RBFOX1: variants seen among roughly 807,000 people sequenced by gnomAD.
The protein encoded by RBFOX1 is RNA binding protein fox-1 homolog 1.
Under a neutral mutation model 57.7 loss-of-function variants are expected in RBFOX1, and 8 were observed. The ratio of observed to expected loss-of-function variants is 0.14; its 90% CI spans 0.08 to 0.25. The LOEUF (loss-of-function observed/expected upper bound fraction) is 0.25. Among genes scored for constraint, RBFOX1 ranks in the 10% least tolerant of loss-of-function variants. RBFOX1 has a pLI of 1.00. For missense variants in RBFOX1, 611 were observed against 548.5 expected (o/e 1.11, Z -1.14); for synonymous variants, 326 against 222.4 (o/e 1.47, Z -4.15).
At chr16:6,675,727 C>T (rs939240007) in intron 3 of RBFOX1, among the ~76,000 whole-genome samples, 4 of 152,176 alleles carry the variant, frequency 2.6e-5, no homozygotes, top group African/African-American at 7.2e-5. Flanking sequence ...AGCGAAAGGG[C>T]TTTCCCTTTA....
chr16:7,171,116 C>G (rs932538438), intron 4 of RBFOX1, among the ~76,000 whole-genome samples: 6 of 152,214 alleles, frequency 3.9e-5, no homozygotes, highest in Non-Finnish European at 7.3e-5. Flanking sequence ...AACCCTCTCC[C>G]TATGTCTTGG....
chr16:6,081,902 C>A (rs1406984494), intron 1 of RBFOX1, among the ~76,000 whole-genome samples: 1 of 152,150 alleles, frequency 6.6e-6, no homozygotes, highest in African/African-American at 2.4e-5. Flanking sequence ...CAAACATCCT[C>A]CTAGTCCCAA....
intron 3 of RBFOX1, among the ~76,000 whole-genome samples, chr16:6,698,706 C>G (rs2061407520): frequency 6.6e-6 from 1 of 152,180 alleles, no homozygotes; most frequent in South Asian, 2.1e-4. Context: ...CATCTCCCAC[C>G]TGCTGTCCTC....
At chr16:6,100,881 G>T (rs2096298304) in intron 1 of RBFOX1, among the ~76,000 whole-genome samples, 2 of 152,246 alleles carry the variant, frequency 1.3e-5, no homozygotes, top group African/African-American at 4.8e-5. Context: ...GTTCTTATGT[G>T]TAAGAAGAGT....
chr16:5,927,344 G>A (rs1489444057), intron 4 of RBFOX1, among the ~76,000 whole-genome samples: 1 of 152,174 alleles, frequency 6.6e-6, no homozygotes, highest in African/African-American at 2.4e-5. Flanking sequence ...CAAGAAAATT[G>A]AATATGAAAT....
intron 4 of RBFOX1, among the ~76,000 whole-genome samples, chr16:7,066,672 T>C (rs2056122858): frequency 6.6e-6 from 1 of 152,210 alleles, no homozygotes; most frequent in African/African-American, 2.4e-5. Context: ...TAGAAATCTA[T>C]GTGTTCTAAT....
intron 4 of RBFOX1, among the ~76,000 whole-genome samples, chr16:5,875,734 T>C (rs893980653): frequency 6.6e-6 from 1 of 152,138 alleles, no homozygotes; most frequent in Non-Finnish European, 1.5e-5. Context: ...TCTGTGAAAA[T>C]TGATTAAGGG....
intron 4 of RBFOX1, among the ~76,000 whole-genome samples, chr16:7,063,894 T>G (rs759538394): frequency 2.0e-5 from 3 of 152,222 alleles, no homozygotes; most frequent in African/African-American, 7.2e-5. Flanking sequence ...CACTCCATTT[T>G]ATATCAGAGA....
intron 2 of RBFOX1, among the ~76,000 whole-genome samples, chr16:6,410,168 C>G (rs1287880009): frequency 1.4e-5 from 2 of 146,942 alleles, no homozygotes; most frequent in Non-Finnish European, 3.0e-5. Flanking sequence ...CATCATAAGG[C>G]TGTGTGTGTG....
intron 2 of RBFOX1, among the ~76,000 whole-genome samples, chr16:6,621,346 C>G (rs934175249): frequency 6.6e-6 from 1 of 152,124 alleles, no homozygotes; most frequent in East Asian, 1.9e-4. Flanking sequence ...CGCCTGTAGT[C>G]CCAGCTACTC....
chr16:6,568,546 T>C (rs1024676875), intron 2 of RBFOX1, among the ~76,000 whole-genome samples: 11 of 152,138 alleles, frequency 7.2e-5, no homozygotes, highest in Non-Finnish European at 1.0e-4. Context: ...TTGGAACTCT[T>C]GTACAGTGTG....
At chr16:7,360,394 T>C (rs1289662185) in intron 4 of RBFOX1, among the ~76,000 whole-genome samples, 1 of 152,182 alleles carries the variant, frequency 6.6e-6, no homozygotes, top group Non-Finnish European at 1.5e-5. Context: ...AATGAAGTGG[T>C]CTACAGTGTG....
At chr16:6,495,903 C>T (rs1271206120) in intron 2 of RBFOX1, among the ~76,000 whole-genome samples, 1 of 152,204 alleles carries the variant, frequency 6.6e-6, no homozygotes, top group Non-Finnish European at 1.5e-5. Context: ...TATTGTTTGG[C>T]TGCTTTACAT....
chr16:5,403,033 T>C (rs1437477361), intron 1 of RBFOX1, among the ~76,000 whole-genome samples: 1 of 151,976 alleles, frequency 6.6e-6, no homozygotes, highest in Non-Finnish European at 1.5e-5. Flanking sequence ...TATACACAAA[T>C]GCATGGAAGC....
intron 2 of RBFOX1, among the ~76,000 whole-genome samples, chr16:6,583,071 T>C (rs1309745850): frequency 6.6e-6 from 1 of 151,884 alleles, no homozygotes; most frequent in African/African-American, 2.4e-5. Flanking sequence ...TTCACTCCAT[T>C]CTCAGGTAAA....
At chr16:6,758,028 T>A (rs1213569194) in intron 3 of RBFOX1, among the ~76,000 whole-genome samples, 1 of 152,202 alleles carries the variant, frequency 6.6e-6, no homozygotes, top group Non-Finnish European at 1.5e-5. Context: ...ACTGTCACAC[T>A]TTTAAGAAGT....
intron 4 of RBFOX1, among the ~76,000 whole-genome samples, chr16:7,378,791 C>T (rs147361477): frequency 2.2e-4 from 33 of 152,342 alleles, no homozygotes; most frequent in African/African-American, 7.9e-4. Flanking sequence ...CTTGGGCACA[C>T]TGCAAAGTCA....
At chr16:6,609,504 T>G (rs1052449148) in intron 2 of RBFOX1, among the ~76,000 whole-genome samples, 2 of 151,980 alleles carry the variant, frequency 1.3e-5, no homozygotes, top group Admixed American at 1.3e-4. Context: ...CCACCACACT[T>G]GGCTAATTTT....
chr16:7,504,709 TTA>T (rs1181491515), intron 4 of RBFOX1, among the ~76,000 whole-genome samples: 73 of 74,498 alleles, frequency 9.8e-4, no homozygotes, highest in African/African-American at 3.2e-3. Context: ...TGAAGTGAGA[TTA>T]TATATATATA....
Sources: gnomAD v4.1 joint callset for allele counts (sites outside exome capture counted in the v4.1 genomes callset) on GRCh38, gnomAD v4.1.1 for gene constraint, MANE v1.5 for transcripts, NCBI Gene and HGNC (gene_info 2026-07-23, HGNC 2026-07-21) for gene names.